Variants in CTTN observed in about 807,000 individuals in gnomAD.
The protein encoded by CTTN is cortactin.
CTTN carries 28 observed loss-of-function variants against 84.0 expected under a neutral mutation model. The ratio of observed to expected loss-of-function variants is 0.33; its 90% CI spans 0.25 to 0.46. The LOEUF is 0.46. Ranked by LOEUF, CTTN falls within the 20% of genes least tolerant of loss-of-function variation. The pLI is 1.00. For synonymous variants in CTTN, 301 were observed against 288.8 expected, an observed-to-expected ratio of 1.04 and a Z score of -0.43; for missense variants, 641 against 723.8, an observed-to-expected ratio of 0.89 and a Z score of 1.31.
chr11:70,420,767 G>GC (rs1167399546), intron 10 of CTTN, among the ~76,000 whole-genome samples: 1 of 152,136 alleles, frequency 6.6e-6, no homozygotes, highest in Non-Finnish European at 1.5e-5. Context: ...CAAGCCTGCA[G>GC]CAGGGGGCTG....
intron 13 of CTTN, among the ~76,000 whole-genome samples, chr11:70,425,615 G>A (rs568613629): frequency 8.5e-5 from 13 of 152,218 alleles, no homozygotes; most frequent in Non-Finnish European, 1.8e-4. Context: ...TGGTGCAGCC[G>A]TTTCAGTGGG....
At chr11:70,408,866 C>T (rs762278062) in intron 4 of CTTN, among the ~76,000 whole-genome samples, 1 of 152,044 alleles carries the variant, frequency 6.6e-6, no homozygotes, top group Non-Finnish European at 1.5e-5. Context: ...TTTGCTATGG[C>T]GTTAAGCAGA....
chr11:70,419,725 TC>T lies in CTTN; in HGVS notation c.569-19del, dbSNP rs775255498. The T allele has an allele frequency of 1.3e-6, 2 of 1,585,616 alleles. No individual in the cohort carries two copies. The highest frequency in any genetic ancestry group is 1.8e-5 in the Admixed American group (1 of 54,992). On this transcript the variant is annotated intron_variant, in intron 8 of 17. Coordinates refer to ENST00000301843, the MANE Select transcript of CTTN (RefSeq NM_005231.4). Reference sequence around the variant, plus strand: ...GATTTCGTTGCTCCTTTTAAAGTAGTCCTTTTTTGTTTGTTTTTAGATTACT... The same window carrying T: ...GATTTCGTTGCTCCTTTTAAAGTAGTCTTTTTTGTTTGTTTTTAGATTACT...
intron 12 of CTTN, 27 bp from the exon 13 acceptor site, chr11:70,425,305 C>T (rs766821039): frequency 5.6e-6 from 9 of 1,594,362 alleles, no homozygotes; most frequent in Non-Finnish European, 6.9e-6. Flanking sequence ...AAAGTGCTCT[C>T]CTGACGCCCA....
chr11:70,419,628 TCAGTGGTCCTA>T, intron 8 of CTTN, 107 bp from the exon 9 acceptor site: 1 of 726,136 alleles, frequency 1.4e-6, no homozygotes, highest in Non-Finnish European at 2.3e-6. Flanking sequence ...TCTGTATTAT[TCAGTGGTCCTA>T]CAGTGGACCT....
chr11:70,404,987 A>C (rs556528368), intron 1 of CTTN, among the ~76,000 whole-genome samples: 75 of 152,216 alleles, frequency 4.9e-4, no homozygotes, highest in Non-Finnish European at 9.1e-4. Flanking sequence ...GTGCAACAAG[A>C]GTGAAACTCC....
In CTTN at chr11:70,431,259, G is replaced by A; in HGVS notation, c.1245G>A (p.Leu415=). 2 of 1,614,198 alleles carry A rather than the reference G, an allele frequency of 1.2e-6. No homozygotes were observed. Among genetic ancestry groups the A allele is most frequent in the Non-Finnish European group, 1.7e-6 (2 of 1,180,022 alleles). The change falls in exon 15 of 18, where the codon CTG becomes CTA. Residue 415 remains leucine, a synonymous_variant. Coordinates refer to ENST00000301843, the MANE Select transcript of CTTN (RefSeq NM_005231.4). The part of the protein sequence containing the change: ...SPAPQPTEER[L]PSSPVYEDAA... ...CACCTCAGCCAACCGAGGAGAGGCTGCCCTCGAGCCCCGTCTATGAGGTTG... is the reference window on the plus strand; with the variant it reads ...CACCTCAGCCAACCGAGGAGAGGCTACCCTCGAGCCCCGTCTATGAGGTTG...
At chr11:70,426,320 A>T (rs942309187) in intron 13 of CTTN, among the ~76,000 whole-genome samples, 6 of 151,458 alleles carry the variant, frequency 4.0e-5, no homozygotes, top group Non-Finnish European at 7.4e-5. Context: ...CTGAGACAGG[A>T]GAATGGCGTG....
In CTTN at chr11:70,425,383, A is replaced by T; in HGVS notation, c.1009A>T (p.Thr337Ser). 1 of 1,612,272 alleles carries T rather than the reference A, an allele frequency of 6.2e-7. No individual in the cohort carries two copies. Among genetic ancestry groups the T allele is most frequent in the Non-Finnish European group, 8.5e-7 (1 of 1,179,204 alleles). Residue 337 changes from threonine to serine, a missense_variant, in exon 13 of 18, where the codon ACA (threonine) becomes TCA (serine). Physicochemically the swap from Thr to Ser is moderately conservative, Grantham distance 58. Transcript: ENST00000301843. The part of the protein sequence containing the change: ...VTQVSSAYQK[T>S]VPVEAVTSKT... ...CCAGGTGTCCTCTGCCTACCAGAAG[A>T]CAGTACCTGTCGAAGCTGGTGAGTC...
intron 1 of CTTN, among the ~76,000 whole-genome samples, chr11:70,404,640 C>CT (rs1420711638): frequency 3.3e-5 from 5 of 152,192 alleles, no homozygotes; most frequent in African/African-American, 1.2e-4. Context: ...GTGAAAATCT[C>CT]TAAGAATTAT....
rs2058053920 is a variant in CTTN, at chr11:70,407,386, T to C, written c.87+2T>C. 6.2e-7 allele frequency: 1 copy of C among 1,603,818 alleles called. No homozygotes were observed. The highest frequency in any genetic ancestry group is 8.5e-7 in the Non-Finnish European group (1 of 1,174,866). On this transcript the variant is annotated splice_donor_variant, in intron 3 of 17. Transcript: ENST00000301843. LOFTEE classifies it high-confidence loss of function. ...TGGGAGACCGACCCTGATTTTGTGGTAGGAGCCGCCAGCCTTTGCTTTCCT... is the reference window on the plus strand; with the variant it reads ...TGGGAGACCGACCCTGATTTTGTGGCAGGAGCCGCCAGCCTTTGCTTTCCT...
chr11:70,424,711 A>G (rs1055888057), intron 12 of CTTN, among the ~76,000 whole-genome samples: 5 of 151,970 alleles, frequency 3.3e-5, no homozygotes, highest in African/African-American at 1.2e-4. Flanking sequence ...CAGGCGGGCC[A>G]GGAAGGGGGC....
At chr11:70,408,257 C>T (rs756218239) in intron 4 of CTTN, 1 of 152,204 alleles carries the variant, frequency 6.6e-6, no homozygotes. Flanking sequence ...ACCACTGACC[C>T]GGTGACCGCC....
At chr11:70,413,239 C>T (rs929110779) in intron 5 of CTTN, among the ~76,000 whole-genome samples, 3 of 152,216 alleles carry the variant, frequency 2.0e-5, no homozygotes, top group African/African-American at 7.2e-5. Flanking sequence ...AGCAGGTTAG[C>T]ATGAGTGGCT....
At chr11:70,411,200 A>G (rs1164131345) in intron 5 of CTTN, among the ~76,000 whole-genome samples, 1 of 146,102 alleles carries the variant, frequency 6.8e-6, no homozygotes, top group African/African-American at 2.8e-5. Context: ...ACACGGACAG[A>G]CGGAATCCAT....
chr11:70,436,147 T>A lies in CTTN; in HGVS notation c.*985T>A. On this transcript the variant is annotated 3_prime_UTR_variant, in exon 18 of 18. Coordinates refer to ENST00000301843, the MANE Select transcript of CTTN (RefSeq NM_005231.4). ...GGGGTGTAGTATTTTTGCCAAAATA[T>A]CATGTTCAATTTCAGTAGTTTGATC... 6.9e-7 allele frequency: 1 copy of A among 1,448,950 alleles called. No homozygotes were observed. Among genetic ancestry groups the A allele is most frequent in the East Asian group, 2.5e-5 (1 of 40,584 alleles). The allele number at this position is 1,448,950 out of a possible 1,614,324, so 89.8% of individuals were successfully genotyped here.
intron 5 of CTTN, among the ~76,000 whole-genome samples, chr11:70,414,211 G>T (rs1434441106): frequency 6.6e-6 from 1 of 152,186 alleles, no homozygotes; most frequent in Non-Finnish European, 1.5e-5. Context: ...CAGGCATGGT[G>T]GCGGGTGCCT....
At chr11:70,422,046 T>G in intron 11 of CTTN, 1 of 225,060 alleles carries the variant, frequency 4.4e-6, no homozygotes. Context: ...GTGTTCTGTG[T>G]GGTTTCTGTG....
intron 13 of CTTN, 47 bp from the exon 14 acceptor site, chr11:70,429,003 GT>G: frequency 1.2e-6 from 2 of 1,607,936 alleles, no homozygotes; most frequent in Non-Finnish European, 1.7e-6. Flanking sequence ...TCCAGGAGCA[GT>G]GTTTTTGCTG....
Sources: allele counts gnomAD v4.1 joint callset (sites outside exome capture counted in the v4.1 genomes callset), GRCh38; gene constraint gnomAD v4.1.1; transcripts MANE v1.5; gene names NCBI Gene and HGNC (gene_info 2026-07-23, HGNC 2026-07-21).